CNTN5: variants seen among roughly 807,000 people sequenced by gnomAD.
CNTN5 encodes the protein contactin-5.
A neutral mutation model predicts 129.1 loss-of-function variants in CNTN5; 77 were observed. That is an observed-to-expected ratio of 0.60 (90% confidence interval 0.50 to 0.72). The LOEUF (loss-of-function observed/expected upper bound fraction) is 0.72. Ranked by LOEUF, CNTN5 falls within the 30% of genes least tolerant of loss-of-function variation. The pLI is 0.00. For synonymous variants in CNTN5, 509 were observed against 465.6 expected (o/e 1.09, Z -1.20); for missense variants, 1,478 against 1,328.8 (o/e 1.11, Z -1.75).
intron 10 of CNTN5, among the ~76,000 whole-genome samples, chr11:100,061,735 A>C (rs1591160659): frequency 6.6e-6 from 1 of 152,298 alleles, no homozygotes; most frequent in Middle Eastern, 3.4e-3. Context: ...CAGAGGTTCC[A>C]ATCTAGTGTC....
chr11:99,869,526 A>G (rs865813445), intron 6 of CNTN5, among the ~76,000 whole-genome samples: 3 of 152,190 alleles, frequency 2.0e-5, no homozygotes, highest in Non-Finnish European at 4.4e-5. Context: ...CTCTTCAACT[A>G]TCCACTGCCT....
chr11:99,257,533 G>A (rs1862428864), intron 1 of CNTN5, among the ~76,000 whole-genome samples: 1 of 151,462 alleles, frequency 6.6e-6, no homozygotes, highest in African/African-American at 2.4e-5. Context: ...GAACATTGTG[G>A]ATATTCATTG....
In CNTN5 at chr11:99,782,509, C is replaced by A. The variant is rs992573164; in HGVS notation, c.56-37035C>A. Among the ~76,000 whole-genome samples the A allele has an allele frequency of 4.0e-5, 6 of 151,418 alleles. No homozygotes were observed. In the East Asian group the frequency reaches 1.2e-3, roughly 30 times the overall value. ...GTTCATATGGAACCAAAAAAGAGCC[C>A]GCATTGCCAAGTCAATCCTAAGCCA... On this transcript the variant is annotated intron_variant, in intron 3 of 24. Coordinates refer to ENST00000524871, the MANE Select transcript of CNTN5 (RefSeq NM_014361.4).
At position 99,984,097 on chromosome 11, in the gene CNTN5, A is replaced by G. The variant is rs377483095; in HGVS notation, c.878-17937A>G. Among the ~76,000 whole-genome samples the G allele has an allele frequency of 1.1e-3, 163 of 151,900 alleles. 1 individual carries two copies. Among genetic ancestry groups the G allele is most frequent in the South Asian group, 5.0e-3 (24 of 4,818 alleles). ...AGCCCGGCCAACATGATGAAACCCCATTTCTACTAAAAATACACACAAAAA... is the reference window on the plus strand; with the variant it reads ...AGCCCGGCCAACATGATGAAACCCCGTTTCTACTAAAAATACACACAAAAA... On this transcript the variant is annotated intron_variant, in intron 8 of 24. Transcript: ENST00000524871.
chr11:100,331,872 A>G (rs540313979), intron 21 of CNTN5, among the ~76,000 whole-genome samples: 1 of 152,276 alleles, frequency 6.6e-6, no homozygotes, highest in Admixed American at 6.5e-5. Flanking sequence ...TTAAATGACT[A>G]GATTAAAAAG....
At chr11:99,867,413 T>C (rs966287602) in intron 6 of CNTN5, among the ~76,000 whole-genome samples, 1 of 152,194 alleles carries the variant, frequency 6.6e-6, no homozygotes, top group Non-Finnish European at 1.5e-5. Context: ...AGAGCAAATG[T>C]ATTATCTTAA....
chr11:100,104,515 C>G (rs911614201), intron 13 of CNTN5, among the ~76,000 whole-genome samples: 4 of 152,062 alleles, frequency 2.6e-5, no homozygotes, highest in Non-Finnish European at 4.4e-5. Context: ...ACCAAGTGTA[C>G]TTCTAGACAC....
intron 13 of CNTN5, among the ~76,000 whole-genome samples, chr11:100,107,039 G>C (rs1052001669): frequency 2.0e-5 from 3 of 152,096 alleles, no homozygotes; most frequent in Admixed American, 2.0e-4. Context: ...AAATCTAAAA[G>C]TTCAAAAAAT....
intron 2 of CNTN5, among the ~76,000 whole-genome samples, chr11:99,332,979 T>G (rs1866066482): frequency 6.6e-6 from 1 of 152,096 alleles, no homozygotes; most frequent in Non-Finnish European, 1.5e-5. Context: ...TCATGCATCG[T>G]AATTTAGAAG....
intron 2 of CNTN5, among the ~76,000 whole-genome samples, chr11:99,521,926 T>C (rs530745488): frequency 4.3e-4 from 66 of 152,314 alleles, no homozygotes; most frequent in African/African-American, 1.5e-3. Flanking sequence ...TGTAAGAACA[T>C]TTGCAATCTC....
At chr11:100,005,936 T>C (rs1940163056) in intron 9 of CNTN5, among the ~76,000 whole-genome samples, 1 of 152,134 alleles carries the variant, frequency 6.6e-6, no homozygotes, top group Non-Finnish European at 1.5e-5. Flanking sequence ...ATCATGTTAT[T>C]CATTGAACCA....
At chr11:99,224,677 T>TTTG (rs1860582668) in intron 1 of CNTN5, among the ~76,000 whole-genome samples, 1 of 149,370 alleles carries the variant, frequency 6.7e-6, no homozygotes, top group Non-Finnish European at 1.5e-5. Flanking sequence ...TTTTTTTTTT[T>TTTG]GAGACAGTCT....
chr11:99,170,279 A>C (rs1411482341), intron 1 of CNTN5, among the ~76,000 whole-genome samples: 1 of 152,150 alleles, frequency 6.6e-6, no homozygotes, highest in Non-Finnish European at 1.5e-5. Context: ...TGAGGCTCAG[A>C]GAGCTTAAGT....
intron 16 of CNTN5, among the ~76,000 whole-genome samples, chr11:100,236,808 T>A (rs1028374500): frequency 2.6e-5 from 4 of 152,102 alleles, no homozygotes; most frequent in African/African-American, 9.7e-5. Flanking sequence ...CTCACTGATC[T>A]CCTACAATTG....
chr11:99,147,549 G>A (rs1859848652), intron 1 of CNTN5, among the ~76,000 whole-genome samples: 1 of 152,102 alleles, frequency 6.6e-6, no homozygotes, highest in Non-Finnish European at 1.5e-5. Flanking sequence ...TTGTAATGAA[G>A]GACAGACCAC....
At chr11:99,202,096 A>C (rs894526401) in intron 1 of CNTN5, among the ~76,000 whole-genome samples, 2 of 152,328 alleles carry the variant, frequency 1.3e-5, no homozygotes, top group South Asian at 4.1e-4. Context: ...ACATGATTTT[A>C]TGATCAGTTC....
At chr11:100,175,799 A>G (rs1163140364) in intron 13 of CNTN5, among the ~76,000 whole-genome samples, 1 of 152,134 alleles carries the variant, frequency 6.6e-6, no homozygotes, top group Non-Finnish European at 1.5e-5. Flanking sequence ...AAAGTTGGGA[A>G]GAAAAGTAGT....
intron 1 of CNTN5, among the ~76,000 whole-genome samples, chr11:99,233,469 T>C (rs1362717854): frequency 6.6e-6 from 1 of 152,214 alleles, no homozygotes. Context: ...AATTGTAGAA[T>C]GATGTTTCAG....
Position 100,217,215 on chromosome 11 carries a change from G to A in CNTN5, c.1885-7477G>A, listed in dbSNP as rs534682892. 2.0e-5 allele frequency among the ~76,000 whole-genome samples: 3 copies of A among 152,204 alleles called. No homozygotes were observed. In the East Asian group the frequency reaches 5.8e-4, roughly 29 times the overall value. On this transcript the variant is annotated intron_variant, in intron 15 of 24. Transcript: ENST00000524871. ...CTTTTCTCTTTATCTTGTAGCATGT[G>A]TAGATCAAGTATGATAAAAAGATAG... is the stretch of plus-strand genomic sequence containing the variant.
Sources: gnomAD v4.1 joint callset for allele counts (sites outside exome capture counted in the v4.1 genomes callset) on GRCh38, gnomAD v4.1.1 for gene constraint, MANE v1.5 for transcripts, NCBI Gene and HGNC (gene_info 2026-07-23, HGNC 2026-07-21) for gene names.